The following PXMP2 variants were observed in gnomAD, a reference collection of about 807,000 sequenced individuals.
PXMP2 encodes 22 kDa peroxisomal membrane protein.
In PXMP2, 13 loss-of-function variants were observed where a neutral mutation model predicts 20.2. That is an observed-to-expected ratio of 0.64 (90% CI 0.42 to 1.02). The LOEUF is 1.02. Ranked by LOEUF, PXMP2 falls within the 50% of genes least tolerant of loss-of-function variation. The probability of loss-of-function intolerance (pLI) is 0.00; values close to 1 mark genes in which losing one functional copy is unlikely to be tolerated. For missense variants in PXMP2, 284 were observed against 251.8 expected (o/e 1.13, Z -0.87); for synonymous variants, 113 against 111.2 (o/e 1.02, Z -0.10).
At chr12:132,688,125 G>A in intron 1 of PXMP2, 1 of 183,106 alleles carries the variant, frequency 5.5e-6, no homozygotes, top group South Asian at 7.6e-5. Context: ...CCGCAGGCGC[G>A]GGTGAAGACA....
intron 4 of PXMP2, among the ~76,000 whole-genome samples, chr12:132,703,258 C>T (rs1485655280): frequency 6.6e-6 from 1 of 151,562 alleles, no homozygotes; most frequent in East Asian, 1.9e-4. Context: ...CATAGTGAGA[C>T]CCCATCTCTA....
Position 132,701,252 on chromosome 12 carries a change from G to GA in PXMP2, c.405dup (p.Asp136ArgfsTer105). 1 of 1,613,680 alleles carries GA rather than the reference G, an allele frequency of 6.2e-7. No homozygotes were observed. The highest frequency in any genetic ancestry group is 8.5e-7 in the Non-Finnish European group (1 of 1,179,978). On this transcript the variant is annotated frameshift_variant, in exon 4 of 5. Coordinates refer to ENST00000317479, the MANE Select transcript of PXMP2 (RefSeq NM_018663.3). LOFTEE classifies it high-confidence loss of function. ...CACCCGCCTTCCCTCCTTTGCAGGGGAAAGACGCCTCAGCCTTCGCCGCCA... is the reference window on the plus strand; with the variant it reads ...CACCCGCCTTCCCTCCTTTGCAGGGGAAAAGACGCCTCAGCCTTCGCCGCCA...
At chr12:132,697,293 A>AAAATAAAT (rs139853460) in intron 3 of PXMP2, among the ~76,000 whole-genome samples, 421 of 151,092 alleles carry the variant, frequency 2.8e-3, no homozygotes, top group Middle Eastern at 0.017. Context: ...TCAAAAGACA[A>AAAATAAAT]AAATAAATAA....
Position 132,696,339 on chromosome 12 carries a change from C to T in PXMP2, c.399+293C>T, listed in dbSNP as rs1001136456. Among the ~76,000 whole-genome samples the T allele has an allele frequency of 1.2e-4, 18 of 152,112 alleles. No individual in the cohort carries two copies. Among genetic ancestry groups the T allele is most frequent in the African/African-American group, 4.3e-4 (18 of 41,426 alleles). On this transcript the variant is annotated intron_variant, in intron 3 of 4. Coordinates refer to ENST00000317479, the MANE Select transcript of PXMP2 (RefSeq NM_018663.3). This position sits in a 1 kb window ranked among gnomAD's most constrained non-coding sequence, Gnocchi z 4.4. Reference sequence around the variant, plus strand: ...CAAACCTCAAACTCCTGGGTTCAAGCGATCCTCTTGCCTCAGCCTCCCAAG... The same window carrying T: ...CAAACCTCAAACTCCTGGGTTCAAGTGATCCTCTTGCCTCAGCCTCCCAAG...
chr12:132,704,677 T>C lies in PXMP2; in HGVS notation c.578T>C (p.Leu193Ser). 1 of 1,562,858 alleles carries C rather than the reference T, an allele frequency of 6.4e-7. No homozygotes were observed. The highest frequency in any genetic ancestry group is 8.7e-7 in the Non-Finnish European group (1 of 1,153,014). ...TTCTGGTATGCCTACCTGGCCTCCT[T>C]GGGGAAGTGACGACCGCTGGGAGAA... Reference protein sequence around the residue: ...ALFWYAYLASLGK With the variant: ...ALFWYAYLASSGK Residue 193 changes from leucine (L) to serine (S), a missense_variant, in exon 5 of 5, where the codon TTG becomes TCG. Transcript: ENST00000317479.
At chr12:132,687,827 GC>G (rs1241647377) in intron 1 of PXMP2, 35 bp downstream of exon 1, 2 of 1,127,956 alleles carry the variant, frequency 1.8e-6, no homozygotes, top group Non-Finnish European at 1.1e-6. Flanking sequence ...CGCCGCCCCG[GC>G]CCCAGGTCGG....
chr12:132,687,587 A>ACTCCGCTCTCGGCGCCTCGGG lies in PXMP2; in HGVS notation c.-77_-57dup. The ACTCCGCTCTCGGCGCCTCGGG allele has an allele frequency of 8.6e-7, 1 of 1,159,196 alleles. No homozygotes were observed. Among genetic ancestry groups the ACTCCGCTCTCGGCGCCTCGGG allele is most frequent in the Non-Finnish European group, 1.1e-6 (1 of 936,318 alleles). 71.8% of individuals were successfully genotyped at this position (1,159,196 alleles called of 1,614,324 possible). A position where few individuals can be genotyped will look rare whatever the true frequency, so the allele number is the denominator to read the frequency against. On this transcript the variant is annotated 5_prime_UTR_variant, in exon 1 of 5. Coordinates refer to ENST00000317479, the MANE Select transcript of PXMP2 (RefSeq NM_018663.3). ...GGGCCGGAAATGTCAGGCGGTCCCC[A>ACTCCGCTCTCGGCGCCTCGGG]CTCCGCTCTCGGCGCCTCGGGCTCC...
At chr12:132,703,280 T>A (rs111945412) in intron 4 of PXMP2, among the ~76,000 whole-genome samples, 4,492 of 152,212 alleles carry the variant, frequency 0.03, 210 homozygotes, top group African/African-American at 0.1. Context: ...TTTATAAAAA[T>A]GAATTTTAAA....
chr12:132,691,821 C>T (rs916260413), intron 2 of PXMP2, among the ~76,000 whole-genome samples: 2 of 152,236 alleles, frequency 1.3e-5, no homozygotes, highest in Admixed American at 6.5e-5. Flanking sequence ...TGAAAGACCC[C>T]TCTTTTTGTT....
intron 2 of PXMP2, among the ~76,000 whole-genome samples, chr12:132,691,351 A>G (rs987640493): frequency 2.0e-5 from 3 of 152,148 alleles, no homozygotes; most frequent in Non-Finnish European, 4.4e-5. Flanking sequence ...CCTGGCCTCT[A>G]TTGTTATTTT....
chr12:132,698,342 A>G (rs2043421489), intron 3 of PXMP2, among the ~76,000 whole-genome samples: 1 of 152,182 alleles, frequency 6.6e-6, no homozygotes, highest in Admixed American at 6.5e-5. Flanking sequence ...ATTTGTTTTA[A>G]CCATTCACTT....
In PXMP2 at chr12:132,704,938, C is replaced by T. The variant is rs1299383319; in HGVS notation, c.*251C>T. The T allele has an allele frequency of 1.8e-6, 1 of 556,086 alleles. No individual in the cohort carries two copies. Among genetic ancestry groups the T allele is most frequent in the Non-Finnish European group, 3.2e-6 (1 of 311,716 alleles). 34.4% of individuals were successfully genotyped at this position (556,086 alleles called of 1,614,324 possible). ...TTAGTCGAGGCAGTTTCAATTGTTACTGTGGACCGAATTAGGATCACAATA... is the reference window on the plus strand; with the variant it reads ...TTAGTCGAGGCAGTTTCAATTGTTATTGTGGACCGAATTAGGATCACAATA... On this transcript the variant is annotated 3_prime_UTR_variant, in exon 5 of 5. Transcript: ENST00000317479.
At position 132,696,077 on chromosome 12, in the gene PXMP2, T is replaced by A; in HGVS notation, c.399+31T>A. On this transcript the variant is annotated intron_variant, in intron 3 of 4. Transcript: ENST00000317479. The surrounding 1 kb of genome is among the most constrained non-coding windows in gnomAD (Gnocchi z 4.4). The stretch of plus-strand genomic sequence containing the variant: ...TGTCTGCCACAGCACTTACTGCAGC[T>A]CTTCGTTTAGCACAGGGATTCTTCA... The A allele has an allele frequency of 6.4e-7, 1 of 1,567,268 alleles. No individual in the cohort carries two copies. Among genetic ancestry groups the A allele is most frequent in the Non-Finnish European group, 8.7e-7 (1 of 1,150,010 alleles).
chr12:132,689,943 A>C (rs1309230722), intron 1 of PXMP2, among the ~76,000 whole-genome samples: 2 of 152,180 alleles, frequency 1.3e-5, no homozygotes, highest in Non-Finnish European at 2.9e-5. Flanking sequence ...CAAAATGCAG[A>C]ACAGCGTCAT....
intron 3 of PXMP2, among the ~76,000 whole-genome samples, chr12:132,699,684 C>T (rs367708922): frequency 6.6e-5 from 10 of 151,946 alleles, no homozygotes; most frequent in Admixed American, 1.3e-4. Flanking sequence ...CGTGAGCCAC[C>T]GTGCGCGGCC....
chr12:132,704,622 C>T lies in PXMP2; in HGVS notation c.523C>T (p.Arg175Trp), dbSNP rs758159352. Reference sequence around the variant, plus strand: ...GTTGGACTGTTCTTTTCGGCAGTTCCGGGTGCTCTTCGCCAACCTGGCAGC... The same window carrying T: ...GTTGGACTGTTCTTTTCGGCAGTTCTGGGTGCTCTTCGCCAACCTGGCAGC... ...ININYVPLKF[R>W]VLFANLAALF... The change falls in exon 5 of 5, where the codon CGG becomes TGG. Residue 175 changes from arginine to tryptophan, a missense_variant. Coordinates refer to ENST00000317479, the MANE Select transcript of PXMP2 (RefSeq NM_018663.3). 14 of 1,451,270 alleles carry T rather than the reference C, an allele frequency of 9.6e-6. No individual in the cohort carries two copies. The highest frequency in any genetic ancestry group is 1.8e-4 in the Middle Eastern group (1 of 5,446). The allele number at this position is 1,451,270 out of a possible 1,614,324, so 89.9% of individuals were successfully genotyped here.
intron 2 of PXMP2, among the ~76,000 whole-genome samples, chr12:132,692,211 T>C (rs1233487437): frequency 1.4e-5 from 2 of 147,320 alleles, no homozygotes; most frequent in African/African-American, 2.5e-5. Context: ...GCCAGTTAGT[T>C]AGTGAGCGCC....
chr12:132,691,746 C>T (rs756297414), intron 2 of PXMP2, among the ~76,000 whole-genome samples: 14 of 152,172 alleles, frequency 9.2e-5, no homozygotes, highest in Admixed American at 2.0e-4. Context: ...GCCACATAAC[C>T]CCCTATGACT....
rs1029973962 is a variant in PXMP2, at chr12:132,696,233, C to CTTTA, written c.399+204_399+207dup. Among the ~76,000 whole-genome samples, 17 of 151,938 alleles carry CTTTA rather than the reference C, an allele frequency of 1.1e-4. No individual in the cohort carries two copies. Among genetic ancestry groups the CTTTA allele is most frequent in the South Asian group, 6.2e-4 (3 of 4,822 alleles). On this transcript the variant is annotated intron_variant, in intron 3 of 4. Transcript: ENST00000317479. The surrounding 1 kb of genome is among the most constrained non-coding windows in gnomAD (Gnocchi z 4.4). The stretch of plus-strand genomic sequence containing the variant: ...GACCTGTTTGTACCCAGTAGAGTCA[C>CTTTA]TTTATTTATTTATTTATTTAAAGAC...
Sources: gnomAD v4.1 joint callset for allele counts (sites outside exome capture counted in the v4.1 genomes callset) on GRCh38, gnomAD v4.1.1 for gene constraint, Gnocchi (gnomAD v3.1) non-coding constraint, MANE v1.5 for transcripts, NCBI Gene and HGNC (gene_info 2026-07-23, HGNC 2026-07-21) for gene names.